CXXC4: variants seen among roughly 807,000 people sequenced by gnomAD.
The protein encoded by CXXC4 is CXXC-type zinc finger protein 4.
CXXC4 carries 5 observed loss-of-function variants against 20.5 expected under a neutral mutation model. That is an observed-to-expected ratio of 0.24 (90% CI 0.13 to 0.51). The LOEUF (loss-of-function observed/expected upper bound fraction) is 0.51, where lower values mean the gene tolerates loss of function less well. Ranked by LOEUF, CXXC4 falls within the 20% of genes least tolerant of loss-of-function variation. The probability of loss-of-function intolerance (pLI) is 0.97; values close to 1 mark genes in which losing one functional copy is unlikely to be tolerated. For missense variants in CXXC4, 419 were observed against 496.4 expected, an observed-to-expected ratio of 0.84 and a Z score of 1.48; for synonymous variants, 250 against 216.4, an observed-to-expected ratio of 1.16 and a Z score of -1.36.
chr4:104,472,310 T>C lies in CXXC4; in HGVS notation c.*12A>G. 6.3e-7 allele frequency: 1 copy of C among 1,586,570 alleles called. No homozygotes were observed. On this transcript the variant is annotated 3_prime_UTR_variant, in exon 3 of 3. Transcript: ENST00000394767. ...ATTTCCAAATGCCTTGAAAATAAGA[T>C]ATACTACTGCTTTAAAAGAACCATC...
intron 2 of CXXC4, among the ~76,000 whole-genome samples, chr4:104,481,178 A>G (rs1157252928): frequency 6.6e-6 from 1 of 152,132 alleles, no homozygotes; most frequent in Admixed American, 6.5e-5. Context: ...ATTTTCTAAA[A>G]TTTCAATGTT....
In CXXC4 at chr4:104,481,848, G is replaced by A. The variant is rs145710426; in HGVS notation, c.1059+8896C>T. 5.7e-3 allele frequency among the ~76,000 whole-genome samples: 873 copies of A among 152,224 alleles called. 8 individuals carry two copies. The highest frequency in any genetic ancestry group is 0.019 in the African/African-American group (800 of 41,562). ...TTCATGAATAGACAGCAAAGGTATA[G>A]ACCTGCCTGGAATAAGTAAAAATAC... On this transcript the variant is annotated intron_variant, in intron 2 of 2. Transcript: ENST00000394767.
At chr4:104,492,822 C>T (rs1056495602) in intron 1 of CXXC4, among the ~76,000 whole-genome samples, 7 of 151,824 alleles carry the variant, frequency 4.6e-5, no homozygotes, top group Non-Finnish European at 8.8e-5. Context: ...TGGTGTTCTA[C>T]TTGATTTTTT....
At chr4:104,490,380 T>A (rs1736812840) in intron 2 of CXXC4, among the ~76,000 whole-genome samples, 1 of 152,246 alleles carries the variant, frequency 6.6e-6, no homozygotes, top group Non-Finnish European at 1.5e-5. Flanking sequence ...GGATGTGATG[T>A]GTCCAGTCCT....
At chr4:104,477,501 T>C (rs910316111) in intron 2 of CXXC4, among the ~76,000 whole-genome samples, 1 of 152,014 alleles carries the variant, frequency 6.6e-6, no homozygotes, top group African/African-American at 2.4e-5. Flanking sequence ...TATAAAATAA[T>C]ACCTAGCAAA....
At chr4:104,478,479 A>T (rs78743461) in intron 2 of CXXC4, among the ~76,000 whole-genome samples, 1,720 of 152,256 alleles carry the variant, frequency 0.011, 14 homozygotes, top group Middle Eastern at 0.024. Flanking sequence ...TCCAGAAGTG[A>T]CCAAAAAATG....
rs1448377199 is a variant in CXXC4, at chr4:104,471,444, A to G, written c.*878T>C. 6.6e-6 allele frequency: 1 copy of G among 151,412 alleles called. No homozygotes were observed. The highest frequency in any genetic ancestry group is 1.9e-4 in the East Asian group (1 of 5,156). 9.4% of individuals were successfully genotyped at this position (151,412 alleles called of 1,614,324 possible). A position where few individuals can be genotyped will look rare whatever the true frequency, so the allele number is the denominator to read the frequency against. ...TTAGCCTAAAAAACACCGTTTTTAT[A>G]AAAAAAAATTATACAACTGATTCTG... On this transcript the variant is annotated 3_prime_UTR_variant, in exon 3 of 3. Coordinates refer to ENST00000394767, the MANE Select transcript of CXXC4 (RefSeq NM_025212.4).
At chr4:104,474,297 G>C (rs927598688) in intron 2 of CXXC4, among the ~76,000 whole-genome samples, 2 of 151,914 alleles carry the variant, frequency 1.3e-5, no homozygotes, top group African/African-American at 4.8e-5. Context: ...TCTATCATTT[G>C]ATTTAATTGG....
At chr4:104,490,209 GA>G (rs1736806988) in intron 2 of CXXC4, among the ~76,000 whole-genome samples, 1 of 152,146 alleles carries the variant, frequency 6.6e-6, no homozygotes, top group Non-Finnish European at 1.5e-5. Flanking sequence ...AATGATTCTA[GA>G]AAAGGGTAGG....
chr4:104,486,854 C>T (rs956714675), intron 2 of CXXC4, among the ~76,000 whole-genome samples: 1 of 152,162 alleles, frequency 6.6e-6, no homozygotes, highest in Non-Finnish European at 1.5e-5. Flanking sequence ...CAGGTGCCAC[C>T]TTCCTGTACT....
chr4:104,474,128 C>CA (rs1360432603), intron 2 of CXXC4, among the ~76,000 whole-genome samples: 1 of 151,956 alleles, frequency 6.6e-6, no homozygotes, highest in Non-Finnish European at 1.5e-5. Context: ...TCCAAGTCTG[C>CA]ATATAGGTAT....
intron 1 of CXXC4, among the ~76,000 whole-genome samples, chr4:104,493,589 C>A (rs1464052012): frequency 6.6e-6 from 1 of 152,122 alleles, no homozygotes; most frequent in African/African-American, 2.4e-5. Flanking sequence ...AGATAAGGAA[C>A]CTCACCCCAG....
intron 2 of CXXC4, among the ~76,000 whole-genome samples, chr4:104,482,547 C>T (rs1301755695): frequency 6.6e-6 from 1 of 152,100 alleles, no homozygotes; most frequent in Admixed American, 6.6e-5. Flanking sequence ...AAGATCACCA[C>T]TTATCTAATT....
Position 104,472,472 on chromosome 4 carries a change from A to G in CXXC4, c.1060-106T>C, listed in dbSNP as rs548424806. Reference sequence around the variant, plus strand: ...GCAATATTTTTAGTTACCAATGTACAACATAATGACTTGTATATTTCAACA... The same window carrying G: ...GCAATATTTTTAGTTACCAATGTACGACATAATGACTTGTATATTTCAACA... On this transcript the variant is annotated intron_variant, in intron 2 of 2. Coordinates refer to ENST00000394767, the MANE Select transcript of CXXC4 (RefSeq NM_025212.4). The G allele has an allele frequency of 4.4e-6, 3 of 679,090 alleles. No individual in the cohort carries two copies. The Admixed American group carries it at 7.8e-5, about 18-fold the overall frequency. The allele number at this position is 679,090 out of a possible 1,614,324, so 42.1% of individuals were successfully genotyped here.
intron 2 of CXXC4, among the ~76,000 whole-genome samples, chr4:104,485,049 A>G (rs1736648156): frequency 6.6e-6 from 1 of 152,076 alleles, no homozygotes; most frequent in Admixed American, 6.6e-5. Context: ...AAAATTACAC[A>G]TGCACAAAAT....
chr4:104,491,353 C>T lies in CXXC4; in HGVS notation c.450G>A (p.Ser150=), dbSNP rs766573628. The T allele has an allele frequency of 6.6e-7, 1 of 1,519,756 alleles. No homozygotes were observed. The highest frequency in any genetic ancestry group is 2.0e-5 in the Admixed American group (1 of 48,862). 94.1% of individuals were successfully genotyped at this position (1,519,756 alleles called of 1,614,324 possible). Residue 150 remains serine, a synonymous_variant, in exon 2 of 3, where the codon TCG becomes TCA. Coordinates refer to ENST00000394767, the MANE Select transcript of CXXC4 (RefSeq NM_025212.4). ...AAASSSASSS[S]AILPAGGGGG... is the part of the protein sequence containing the mutation. ...CGCCACCGCCGGCGGGGAGGATCGC[C>T]GAGGAGGAGGAGGCGGAGGAGGAGG...
chr4:104,492,949 A>T (rs1736937953), intron 1 of CXXC4, among the ~76,000 whole-genome samples: 1 of 151,314 alleles, frequency 6.6e-6, no homozygotes, highest in Non-Finnish European at 1.5e-5. Flanking sequence ...ATTCCTAATC[A>T]TTCCTAATGG....
At position 104,491,297 on chromosome 4, in the gene CXXC4, C is replaced by T. The variant is rs201856623; in HGVS notation, c.506G>A (p.Ser169Asn). ...GGGGGGGSRTSMHHRNDSQRL... is the reference protein window; with the variant it reads ...GGGGGGGSRTNMHHRNDSQRL... ...CTGGGAGTCGTTTCGGTGGTGCATG[C>T]TGGTCCTGCTGCCGCCGCCGCCGCC... The change falls in exon 2 of 3, where the codon AGC becomes AAC. Residue 169 changes from serine (S) to asparagine (N), a missense_variant. Around this residue, in one of 3 missense-constraint regions of CXXC4, gnomAD observed 388 missense variants for 416.0 expected, o/e 0.93. Transcript: ENST00000394767. 1 of 1,589,472 alleles carries T rather than the reference C, an allele frequency of 6.3e-7. No homozygotes were observed.
At chr4:104,488,250 G>A (rs2110278062) in intron 2 of CXXC4, among the ~76,000 whole-genome samples, 1 of 152,208 alleles carries the variant, frequency 6.6e-6, no homozygotes. Flanking sequence ...GATGAGGATG[G>A]ACCAAATTTA....
Sources: gnomAD v4.1 joint callset for allele counts (sites outside exome capture counted in the v4.1 genomes callset) on GRCh38, gnomAD v4.1.1 for gene constraint, gnomAD v4.1.1 regional missense constraint, MANE v1.5 for transcripts, NCBI Gene and HGNC (gene_info 2026-07-23, HGNC 2026-07-21) for gene names.